FAM178B: variants seen among roughly 807,000 people sequenced by gnomAD.
FAM178B encodes family with sequence similarity 178 member B, also known as protein FAM178B.
In FAM178B, 82 loss-of-function variants were observed where a neutral mutation model predicts 91.7. That is an observed-to-expected ratio of 0.89 (90% CI 0.75 to 1.07). FAM178B has a LOEUF of 1.07. Ranked by LOEUF, FAM178B falls within the 50% of genes least tolerant of loss-of-function variation. FAM178B has a pLI of 0.00. For missense variants in FAM178B, 769 were observed against 846.7 expected, an observed-to-expected ratio of 0.91 and a Z score of 1.14; for synonymous variants, 368 against 359.4, an observed-to-expected ratio of 1.02 and a Z score of -0.27.
At chr2:96,951,257 G>A (rs1390988797) in intron 7 of FAM178B, 122 bp downstream of exon 7, 3 of 708,584 alleles carry the variant, frequency 4.2e-6, no homozygotes, top group African/African-American at 1.8e-5. Context: ...CTCCCAGCCT[G>A]AGCCCAGCCA....
In FAM178B at chr2:96,972,097, A is replaced by T. The variant is rs1279826397; in HGVS notation, c.368T>A (p.Leu123Gln). 6.5e-7 allele frequency: 1 copy of T among 1,526,826 alleles called. No individual in the cohort carries two copies. Among genetic ancestry groups the T allele is most frequent in the South Asian group, 1.3e-5 (1 of 79,870 alleles). 94.6% of individuals were successfully genotyped at this position (1,526,826 alleles called of 1,614,324 possible). The change falls in exon 3 of 17, where the codon CTG (leucine) becomes CAG (glutamine). Residue 123 changes from leucine to glutamine, a missense_variant. Transcript: ENST00000490605. The part of the protein sequence containing the change: ...PPVEFLNPRV[L>Q]QASREAPAQR... Reference sequence around the variant, plus strand: ...GGCCGGGGCCTCCCGACTGGCCTGCAGCACCCTCGGGTTGAGGAATTCCAC... The same window carrying T: ...GGCCGGGGCCTCCCGACTGGCCTGCTGCACCCTCGGGTTGAGGAATTCCAC...
At chr2:96,886,755 C>T (rs975153045) in intron 14 of FAM178B, among the ~76,000 whole-genome samples, 3 of 152,172 alleles carry the variant, frequency 2.0e-5, no homozygotes, top group Non-Finnish European at 2.9e-5. Flanking sequence ...CTGAGGATGG[C>T]GTGTAAGGGA....
At chr2:96,979,686 T>A (rs578216473) in intron 1 of FAM178B, among the ~76,000 whole-genome samples, 1 of 152,346 alleles carries the variant, frequency 6.6e-6, no homozygotes, top group South Asian at 2.1e-4. Context: ...GTTCTGTTTT[T>A]AGTTCTTTGA....
chr2:96,883,667 G>A (rs1041477941), intron 14 of FAM178B, among the ~76,000 whole-genome samples: 6 of 152,210 alleles, frequency 3.9e-5, no homozygotes, highest in African/African-American at 7.2e-5. Flanking sequence ...TGGGAAGGAC[G>A]AAGATGGACC....
intron 14 of FAM178B, among the ~76,000 whole-genome samples, chr2:96,892,045 G>A (rs1333414681): frequency 1.3e-5 from 2 of 152,334 alleles, no homozygotes; most frequent in South Asian, 4.1e-4. Flanking sequence ...ATAAAACAGG[G>A]TGGATGCCGC....
intron 12 of FAM178B, among the ~76,000 whole-genome samples, chr2:96,919,694 G>A (rs2081300617): frequency 6.6e-6 from 1 of 152,162 alleles, no homozygotes; most frequent in Non-Finnish European, 1.5e-5. Context: ...AGAAATACCA[G>A]GCTGCTGGGC....
At chr2:96,948,710 C>T (rs759451558) in intron 7 of FAM178B, among the ~76,000 whole-genome samples, 2 of 152,234 alleles carry the variant, frequency 1.3e-5, no homozygotes, top group Non-Finnish European at 2.9e-5. Context: ...CCTCCAGGGG[C>T]TGGGCAGTGT....
At chr2:96,978,459 T>C (rs981110882) in intron 1 of FAM178B, among the ~76,000 whole-genome samples, 8 of 152,186 alleles carry the variant, frequency 5.3e-5, no homozygotes, top group African/African-American at 1.9e-4. Flanking sequence ...CTCCCCACTT[T>C]TGGAGTCCCC....
At chr2:96,943,434 C>T (rs560135430) in intron 8 of FAM178B, among the ~76,000 whole-genome samples, 1 of 152,270 alleles carries the variant, frequency 6.6e-6, no homozygotes, top group African/African-American at 2.4e-5. Context: ...ATATGTCACT[C>T]CTTCCTTTTT....
chr2:96,892,306 C>T (rs115762321), intron 14 of FAM178B, among the ~76,000 whole-genome samples: 2,610 of 152,160 alleles, frequency 0.017, 30 homozygotes, highest in Non-Finnish European at 0.026. Flanking sequence ...TGTAGGGGAG[C>T]GCAGCAGAGG....
intron 1 of FAM178B, among the ~76,000 whole-genome samples, chr2:96,983,393 G>A (rs1219836359): frequency 6.6e-6 from 1 of 151,970 alleles, no homozygotes; most frequent in Non-Finnish European, 1.5e-5. Context: ...TATCACCACC[G>A]ATTATTTTGC....
chr2:96,906,069 C>T (rs1426043063), intron 12 of FAM178B, among the ~76,000 whole-genome samples: 1 of 148,418 alleles, frequency 6.7e-6, no homozygotes, highest in Non-Finnish European at 1.5e-5. Context: ...CGGGGTTTCT[C>T]CATGTTGGTC....
chr2:96,968,224 C>T (rs1434543921), intron 4 of FAM178B, among the ~76,000 whole-genome samples: 1 of 152,012 alleles, frequency 6.6e-6, no homozygotes, highest in African/African-American at 2.4e-5. Flanking sequence ...TAGGGCAGCC[C>T]CTCTGCTCCT....
chr2:96,881,310 T>A (rs2080377349), intron 14 of FAM178B, among the ~76,000 whole-genome samples: 1 of 144,048 alleles, frequency 6.9e-6, no homozygotes, highest in Admixed American at 7.0e-5. Flanking sequence ...CTGAGGCCCC[T>A]CTTTGAGAGG....
intron 1 of FAM178B, among the ~76,000 whole-genome samples, chr2:96,973,008 A>C (rs2082244083): frequency 6.6e-6 from 1 of 152,004 alleles, no homozygotes; most frequent in African/African-American, 2.4e-5. Context: ...GGTCAAGCCC[A>C]GCCTGGGCAA....
chr2:96,903,260 C>T lies in FAM178B; in HGVS notation c.1563-553G>A, dbSNP rs141631833. 6.7e-3 allele frequency among the ~76,000 whole-genome samples: 1,013 copies of T among 152,262 alleles called. 9 individuals carry two copies. Among genetic ancestry groups the T allele is most frequent in the African/African-American group, 0.023 (942 of 41,550 alleles). On this transcript the variant is annotated intron_variant, in intron 12 of 16. Transcript: ENST00000490605. Reference sequence around the variant, plus strand: ...TTCACCATGTTAGCCAGGATAGTCTCGATCTCCTGACCTCGTGATCCGCTC... The same window carrying T: ...TTCACCATGTTAGCCAGGATAGTCTTGATCTCCTGACCTCGTGATCCGCTC...
In FAM178B at chr2:96,972,243, C is replaced by A; in HGVS notation, c.222G>T (p.Gly74=). ...AGGGCCGCCGGGCAGGGCAGCGGGG[C>A]CCCTGGTCCAGGGGATGGTCTGACA... The part of the protein sequence containing the change: ...DGLSDHPLDQ[G]PRCPARRPCS... The change falls in exon 3 of 17, where the codon GGG becomes GGT. Residue 74 remains glycine, a synonymous_variant. Transcript: ENST00000490605. 1 of 1,520,000 alleles carries A rather than the reference C, an allele frequency of 6.6e-7. No homozygotes were observed. The highest frequency in any genetic ancestry group is 1.3e-5 in the South Asian group (1 of 78,938). The allele number at this position is 1,520,000 out of a possible 1,614,324, so 94.2% of individuals were successfully genotyped here.
intron 12 of FAM178B, among the ~76,000 whole-genome samples, chr2:96,918,774 TCAGA>T (rs769696562): frequency 5.3e-5 from 8 of 152,156 alleles, no homozygotes; most frequent in African/African-American, 1.9e-4. Context: ...AAATCAGTAG[TCAGA>T]CAGCCCAGTG....
At chr2:96,932,450 T>C (rs1007250030) in intron 8 of FAM178B, among the ~76,000 whole-genome samples, 1 of 152,202 alleles carries the variant, frequency 6.6e-6, no homozygotes, top group African/African-American at 2.4e-5. Context: ...TAATTAACAC[T>C]GCCTAGAAGT....
Sources: allele counts gnomAD v4.1 joint callset (sites outside exome capture counted in the v4.1 genomes callset), GRCh38; gene constraint gnomAD v4.1.1; transcripts MANE v1.5; gene names NCBI Gene and HGNC (gene_info 2026-07-23, HGNC 2026-07-21).